Variants in CACNA1B observed in about 807,000 individuals in gnomAD.
The protein encoded by CACNA1B is calcium voltage-gated channel subunit alpha1 B.
CACNA1B carries 70 observed loss-of-function variants against 247.2 expected under a neutral mutation model. The ratio of observed to expected loss-of-function variants is 0.28; its 90% CI spans 0.23 to 0.35. The LOEUF is 0.35. CACNA1B is among the 10% of genes least tolerant of loss of function. CACNA1B has a pLI of 1.00. For missense variants in CACNA1B, 2,367 were observed against 3,197.4 expected, an observed-to-expected ratio of 0.74 and a Z score of 6.26; for synonymous variants, 1,231 against 1,294.4, an observed-to-expected ratio of 0.95 and a Z score of 1.05.
intron 3 of CACNA1B, among the ~76,000 whole-genome samples, chr9:137,898,467 G>A (rs1381787580): frequency 2.0e-5 from 3 of 151,852 alleles, no homozygotes; most frequent in African/African-American, 7.3e-5. Context: ...TGGTTCCATA[G>A]TTCCTTGAGG....
intron 6 of CACNA1B, among the ~76,000 whole-genome samples, chr9:137,943,844 C>T (rs1957762751): frequency 6.6e-6 from 1 of 152,178 alleles, no homozygotes; most frequent in African/African-American, 2.4e-5. Context: ...GAGCACGGTG[C>T]CAGGGAGTGA....
At chr9:138,081,003 G>A (rs1326888090) in intron 36 of CACNA1B, among the ~76,000 whole-genome samples, 1 of 152,206 alleles carries the variant, frequency 6.6e-6, no homozygotes, top group African/African-American at 2.4e-5. Context: ...TGATCCCTCC[G>A]AAGACCCCTT....
At chr9:138,092,751 A>C (rs1165405881) in intron 36 of CACNA1B, among the ~76,000 whole-genome samples, 1 of 152,206 alleles carries the variant, frequency 6.6e-6, no homozygotes, top group Non-Finnish European at 1.5e-5. Flanking sequence ...TGCAGTAAAG[A>C]CAGGCATAAG....
At chr9:138,004,636 A>T (rs941904714) in intron 15 of CACNA1B, among the ~76,000 whole-genome samples, 5 of 152,106 alleles carry the variant, frequency 3.3e-5, no homozygotes, top group African/African-American at 1.2e-4. Flanking sequence ...GTAGTCTGGT[A>T]CCTTCCTGTG....
Position 138,121,195 on chromosome 9 carries a change from G to A in CACNA1B, c.6490-274G>A, listed in dbSNP as rs1164976450. 2.6e-5 allele frequency among the ~76,000 whole-genome samples: 4 copies of A among 152,174 alleles called. No individual in the cohort carries two copies. Among genetic ancestry groups the A allele is most frequent in the Admixed American group, 1.3e-4 (2 of 15,294 alleles). On this transcript the variant is annotated intron_variant, in intron 46 of 46. Coordinates refer to ENST00000371372, the MANE Select transcript of CACNA1B (RefSeq NM_000718.4). This position sits in a 1 kb window ranked among gnomAD's most constrained non-coding sequence, Gnocchi z 6.8. The stretch of plus-strand genomic sequence containing the variant: ...TAACTCTCCTTCCCTGACTGTGGTC[G>A]TTGGGCTTTTGTTCTGTCCTTTTCC...
intron 15 of CACNA1B, among the ~76,000 whole-genome samples, chr9:138,003,213 C>A (rs1273321296): frequency 1.4e-5 from 2 of 144,362 alleles, no homozygotes; most frequent in Non-Finnish European, 3.0e-5. Flanking sequence ...GAGATGGGGT[C>A]TTGCTCTATT....
chr9:138,088,221 T>G (rs1269676049), intron 36 of CACNA1B, among the ~76,000 whole-genome samples: 1 of 151,672 alleles, frequency 6.6e-6, no homozygotes, highest in Non-Finnish European at 1.5e-5. Flanking sequence ...GTATAAAAAT[T>G]AGCCAGTTAT....
In CACNA1B at chr9:138,059,595, C is replaced by A. The variant is rs370368293; in HGVS notation, c.4585-59C>A. 2.2e-3 allele frequency: 2,194 copies of A among 989,588 alleles called. 16 individuals carry two copies. Among genetic ancestry groups the A allele is most frequent in the African/African-American group, 0.017 (1,100 of 63,058 alleles). The allele number at this position is 989,588 out of a possible 1,614,324, so 61.3% of individuals were successfully genotyped here. A position where few individuals can be genotyped will look rare whatever the true frequency, so the allele number is the denominator to read the frequency against. On this transcript the variant is annotated intron_variant, in intron 30 of 46. Transcript: ENST00000371372. The surrounding 1 kb of genome is among the most constrained non-coding windows in gnomAD (Gnocchi z 4.2). The stretch of plus-strand genomic sequence containing the variant: ...AATCAGGGCCACCACCTATATATAC[C>A]TCTTTGCCAACAGAGCCCTCATCAG...
In CACNA1B at chr9:137,919,661, T is replaced by A. The variant is rs1957455022; in HGVS notation, c.966+2230T>A. Among the ~76,000 whole-genome samples, 1 of 152,174 alleles carries A rather than the reference T, an allele frequency of 6.6e-6. No individual in the cohort carries two copies. The highest frequency in any genetic ancestry group is 2.4e-5 in the African/African-American group (1 of 41,448). ...CTCGGATATACGCTCCTTCAAGCAA[T>A]GACATCTGGGTTCTTTGTGGGCGGA... On this transcript the variant is annotated intron_variant, in intron 6 of 46. Transcript: ENST00000371372. The surrounding 1 kb of genome is among the most constrained non-coding windows in gnomAD (Gnocchi z 4.6).
chr9:138,073,644 C>A lies in CACNA1B; in HGVS notation c.4791+40C>A. On this transcript the variant is annotated intron_variant, in intron 33 of 46. Coordinates refer to ENST00000371372, the MANE Select transcript of CACNA1B (RefSeq NM_000718.4). The surrounding 1 kb of genome is among the most constrained non-coding windows in gnomAD (Gnocchi z 6.4). The stretch of plus-strand genomic sequence containing the variant: ...GGGCCTCCATGCTTTCTGTCCCCTT[C>A]CTCCGTCTTGCTTCCCCTGCCCCCA... 1 of 1,171,200 alleles carries A rather than the reference C, an allele frequency of 8.5e-7. No homozygotes were observed. Among genetic ancestry groups the A allele is most frequent in the South Asian group, 1.2e-5 (1 of 82,038 alleles). The allele number at this position is 1,171,200 out of a possible 1,614,324, so 72.6% of individuals were successfully genotyped here.
At chr9:137,935,207 C>A (rs1208011272) in intron 6 of CACNA1B, among the ~76,000 whole-genome samples, 11 of 152,142 alleles carry the variant, frequency 7.2e-5, no homozygotes, top group Non-Finnish European at 1.6e-4. Context: ...CACTCGTTAA[C>A]TCATCATTTA....
At chr9:137,940,251 C>A (rs1957718327) in intron 6 of CACNA1B, among the ~76,000 whole-genome samples, 1 of 152,134 alleles carries the variant, frequency 6.6e-6, no homozygotes, top group South Asian at 2.1e-4. Context: ...ACAACTGACA[C>A]CACAGAAATA....
At chr9:138,000,346 C>T (rs939706506) in intron 15 of CACNA1B, among the ~76,000 whole-genome samples, 17 of 152,150 alleles carry the variant, frequency 1.1e-4, no homozygotes, top group Non-Finnish European at 2.4e-4. Context: ...GATCAGCCCG[C>T]CTTGGCCTCC....
intron 20 of CACNA1B, among the ~76,000 whole-genome samples, chr9:138,032,137 A>G (rs185944368): frequency 1.6e-3 from 243 of 151,426 alleles, no homozygotes; most frequent in Admixed American, 2.5e-3. Context: ...TATCTGTAGT[A>G]TTTTTGAGTA....
In CACNA1B at chr9:137,954,754, C is replaced by T. The variant is rs1957924082; in HGVS notation, c.1071-944C>T. Among the ~76,000 whole-genome samples, 2 of 152,010 alleles carry T rather than the reference C, an allele frequency of 1.3e-5. No homozygotes were observed. The highest frequency in any genetic ancestry group is 2.9e-5 in the Non-Finnish European group (2 of 67,990). ...AGCTCAGTGCCTAGCGGACACTGGC[C>T]CTGCGCCCAGGGTCAGTCACGGTCA... is the stretch of plus-strand genomic sequence containing the variant. On this transcript the variant is annotated intron_variant, in intron 7 of 46. Transcript: ENST00000371372. The surrounding 1 kb of genome is among the most constrained non-coding windows in gnomAD (Gnocchi z 4.1).
rs1217537050 is a variant in CACNA1B at position 138,023,506 on chromosome 9, C to T, written c.2763C>T (p.Arg921=). The change falls in exon 19 of 47, where the codon CGC becomes CGT. Residue 921 remains arginine, a synonymous_variant. Coordinates refer to ENST00000371372, the MANE Select transcript of CACNA1B (RefSeq NM_000718.4). Reference sequence around the variant, plus strand: ...AGGGCGGCCGGCGGCACCACCGGCGCGGCTCCCCGGAGGAGGCGGCCGAGC... The same window carrying T: ...AGGGCGGCCGGCGGCACCACCGGCGTGGCTCCCCGGAGGAGGCGGCCGAGC... The part of the protein sequence containing the change: ...GPEGGRRHHR[R]GSPEEAAERE... The T allele has an allele frequency of 3.7e-6, 4 of 1,072,080 alleles. No individual in the cohort carries two copies. The East Asian group carries it at 2.3e-4, about 63-fold the overall frequency. 66.4% of individuals were successfully genotyped at this position (1,072,080 alleles called of 1,614,324 possible).
chr9:137,893,866 C>T (rs540630043), intron 3 of CACNA1B, among the ~76,000 whole-genome samples: 2 of 152,294 alleles, frequency 1.3e-5, no homozygotes, highest in South Asian at 2.1e-4. Context: ...CAGAACAGCC[C>T]GTCCCGGGAG....
At chr9:137,967,995 T>C (rs1958101208) in intron 10 of CACNA1B, among the ~76,000 whole-genome samples, 1 of 152,248 alleles carries the variant, frequency 6.6e-6, no homozygotes, top group African/African-American at 2.4e-5. Context: ...TCCCCTTTTT[T>C]TCATCTGCTG....
chr9:138,016,154 TCACACATTCA>T (rs1187965248), intron 18 of CACNA1B, among the ~76,000 whole-genome samples: 1 of 151,848 alleles, frequency 6.6e-6, no homozygotes, highest in Non-Finnish European at 1.5e-5. Context: ...ACACATAATC[TCACACATTCA>T]CACACAGTCT....
Sources: allele counts gnomAD v4.1 joint callset (sites outside exome capture counted in the v4.1 genomes callset), GRCh38; gene constraint gnomAD v4.1.1; non-coding constraint Gnocchi (gnomAD v3.1); transcripts MANE v1.5; gene names NCBI Gene and HGNC (gene_info 2026-07-23, HGNC 2026-07-21).